PJA1: variants seen among roughly 807,000 people sequenced by gnomAD.
PJA1 encodes the protein E3 ubiquitin-protein ligase Praja-1.
Under a neutral mutation model 14.1 loss-of-function variants are expected in PJA1, and 5 were observed. The observed-to-expected ratio is 0.35, with a 90% confidence interval of 0.18 to 0.74. The LOEUF (loss-of-function observed/expected upper bound fraction) is 0.74. Among genes scored for constraint, PJA1 ranks in the 30% least tolerant of loss-of-function variants. PJA1 has a pLI of 0.56. For missense variants in PJA1, 394 were observed against 482.6 expected, an observed-to-expected ratio of 0.82 and a Z score of 1.72; for synonymous variants, 174 against 190.9, an observed-to-expected ratio of 0.91 and a Z score of 0.73.
chrX:69,162,917 C>T lies in PJA1; in HGVS notation c.157G>A (p.Gly53Ser). 8.3e-7 allele frequency: 1 copy of T among 1,211,502 alleles called. No individual in the cohort carries two copies. Among genetic ancestry groups the T allele is most frequent in the Non-Finnish European group, 1.1e-6 (1 of 895,541 alleles). Residue 53 changes from glycine (G) to serine (S), a missense_variant, in exon 2 of 2, where the codon GGT becomes AGT. Coordinates refer to ENST00000374571, the MANE Select transcript of PJA1 (RefSeq NM_001032396.4). ...CCATAGGCCATTCCTCTTCTGCTAC[C>T]CGAAGCTCTGTACTCTCTTGGCGGA... is the stretch of plus-strand genomic sequence containing the variant. ...RYPPREYRASGSRRGMAYGHI... is the reference protein window; with the variant it reads ...RYPPREYRASSSRRGMAYGHI...
Position 69,161,636 on chromosome X carries a change from G to C in PJA1, c.1438C>G (p.Leu480Val). 8.3e-7 allele frequency: 1 copy of C among 1,211,520 alleles called. No individual in the cohort carries two copies. Among genetic ancestry groups the C allele is most frequent in the East Asian group, 3.0e-5 (1 of 33,791 alleles). ...EAISYVDPQF[L>V]TYMALEERLA... Reference sequence around the variant, plus strand: ...CGTTCTTCAAGTGCCATGTAGGTGAGGAACTGAGGGTCCACATAGGAAATG... The same window carrying C: ...CGTTCTTCAAGTGCCATGTAGGTGACGAACTGAGGGTCCACATAGGAAATG... Residue 480 changes from leucine to valine, a missense_variant, in exon 2 of 2, where the codon CTC (leucine) becomes GTC (valine). By Grantham distance (32) the Leu-to-Val change is conservative. Coordinates refer to ENST00000374571, the MANE Select transcript of PJA1 (RefSeq NM_001032396.4).
chrX:69,161,437 T>G lies in PJA1; in HGVS notation c.1637A>C (p.Glu546Ala). ...AGTTGCCACCTCCCCCTTCACATAT[T>G]CGCTACAGCAGATGGGGCAGCACAT... ...QEMCCPICCS[E>A]YVKGEVATEL... Residue 546 changes from glutamate (E) to alanine (A), a missense_variant, in exon 2 of 2, where the codon GAA (glutamate) becomes GCA (alanine). Physicochemically the swap from Glu to Ala is moderately radical, Grantham distance 107. Coordinates refer to ENST00000374571, the MANE Select transcript of PJA1 (RefSeq NM_001032396.4). The G allele has an allele frequency of 8.3e-7, 1 of 1,211,177 alleles. No individual in the cohort carries two copies. The highest frequency in any genetic ancestry group is 3.0e-5 in the East Asian group (1 of 33,805).
chrX:69,163,822 G>T (rs1925160057), intron 1 of PJA1, among the ~76,000 whole-genome samples: 1 of 111,010 alleles, frequency 9.0e-6, no homozygotes, highest in Non-Finnish European at 1.9e-5. Context: ...TTTGTAGGGG[G>T]AAAGGGTATG....
rs1425211696 is a variant in PJA1 at position 69,165,445 on chromosome X, G to C, written c.-141C>G. On this transcript the variant is annotated 5_prime_UTR_variant, in exon 1 of 2. Transcript: ENST00000374571. ...TCCGACCGCCACGACCGCCAGAGCC[G>C]CTGCTCCCGGTCCCGAGCTCCTCCC... 2 of 112,543 alleles carry C rather than the reference G, an allele frequency of 1.8e-5. No individual in the cohort carries two copies. The highest frequency in any genetic ancestry group is 9.3e-5 in the Admixed American group (1 of 10,719). 9.3% of individuals were successfully genotyped at this position (112,543 alleles called of 1,213,427 possible).
In PJA1 at chrX:69,162,327, C is replaced by T. The variant is rs1381996867; in HGVS notation, c.747G>A (p.Leu249=). The change falls in exon 2 of 2, where the codon CTG becomes CTA. Residue 249 remains leucine (L), a synonymous_variant. Coordinates refer to ENST00000374571, the MANE Select transcript of PJA1 (RefSeq NM_001032396.4). ...ANDNEGHSDG[L]ARRGRGESSS... is the part of the protein sequence containing the mutation. Reference sequence around the variant, plus strand: ...AACTCTCGCCTCTCCCTCTTCTTGCCAGGCCATCCGAGTGGCCCTCATTGT... The same window carrying T: ...AACTCTCGCCTCTCCCTCTTCTTGCTAGGCCATCCGAGTGGCCCTCATTGT... 1.7e-6 allele frequency: 2 copies of T among 1,211,168 alleles called. No homozygotes were observed. Among genetic ancestry groups the T allele is most frequent in the Non-Finnish European group, 2.2e-6 (2 of 895,410 alleles).
At position 69,162,406 on chromosome X, in the gene PJA1, T is replaced by C. The variant is rs1436527333; in HGVS notation, c.668A>G (p.Asp223Gly). Reference protein sequence around the residue: ...CVKPKIFFDTDDDDDMPHSTS... With the variant: ...CVKPKIFFDTGDDDDMPHSTS... The stretch of plus-strand genomic sequence containing the variant: ...ACTGTGTGGCATATCGTCATCATCA[T>C]CAGTATCAAAAAAAATTTTTGGTTT... Residue 223 changes from aspartate to glycine, a missense_variant, in exon 2 of 2, where the codon GAT becomes GGT. Asp to Gly is a moderately conservative substitution (Grantham distance 94). This residue lies in a region of PJA1 where 378 missense variants were observed against 439.3 expected (regional missense o/e 0.86). Transcript: ENST00000374571. 1 of 1,211,029 alleles carries C rather than the reference T, an allele frequency of 8.3e-7. No homozygotes were observed.
rs180767696 is a variant in PJA1, at chrX:69,162,049, G to A, written c.1025C>T (p.Pro342Leu). ...SSSGESWETL[P>L]GKEEREPPQA... ...TGGAGGTTCCCGCTCTTCTTTCCCC[G>A]GCAGAGTCTCCCAGCTTTCGCCACT... is the stretch of plus-strand genomic sequence containing the variant. The change falls in exon 2 of 2, where the codon CCG becomes CTG. Residue 342 changes from proline (P) to leucine (L), a missense_variant. Physicochemically the swap from Pro to Leu is moderately conservative, Grantham distance 98. This residue lies in a region of PJA1 where 378 missense variants were observed against 439.3 expected (regional missense o/e 0.86). Transcript: ENST00000374571. The A allele has an allele frequency of 1.3e-4, 153 of 1,208,413 alleles. No individual in the cohort carries two copies. In the Admixed American group the frequency reaches 1.4e-3, roughly 11 times the overall value.
At position 69,161,960 on chromosome X, in the gene PJA1, C is replaced by T; in HGVS notation, c.1114G>A (p.Ala372Thr). Residue 372 changes from alanine (A) to threonine (T), a missense_variant, in exon 2 of 2, where the codon GCT (alanine) becomes ACT (threonine). Around this residue, in one of 2 missense-constraint regions of PJA1, gnomAD observed 378 missense variants for 439.3 expected, o/e 0.86. Transcript: ENST00000374571. ...CTGCCAGCACTGGCCCCGGCGCCAG[C>T]CCCGGCACTGGCACTAGCACCGGGG... is the stretch of plus-strand genomic sequence containing the variant. ...PGPGASASAG[A>T]GAGASAGSNG... The T allele has an allele frequency of 8.3e-7, 1 of 1,210,288 alleles. No homozygotes were observed. The highest frequency in any genetic ancestry group is 1.1e-6 in the Non-Finnish European group (1 of 894,990).
At chrX:69,163,218 C>T (rs140592105) in intron 1 of PJA1, 78 bp from the exon 2 acceptor site, 46 of 1,205,618 alleles carry the variant, frequency 3.8e-5, no homozygotes, top group Middle Eastern at 2.3e-4. Context: ...GCCATACAGG[C>T]TTGCTAGATT....
rs746080972 is a variant in PJA1 at position 69,160,999 on chromosome X, C to T, written c.*308G>A. The T allele has an allele frequency of 4.1e-6, 1 of 243,747 alleles. No homozygotes were observed. The highest frequency in any genetic ancestry group is 6.6e-5 in the East Asian group (1 of 15,200). 20.1% of individuals were successfully genotyped at this position (243,747 alleles called of 1,213,427 possible). A position where few individuals can be genotyped will look rare whatever the true frequency, so the allele number is the denominator to read the frequency against. ...CTTGACATTACAAGTAACAGCAACA[C>T]ATTCCCATTCTACTGAAGAAAACAA... On this transcript the variant is annotated 3_prime_UTR_variant, in exon 2 of 2. Transcript: ENST00000374571.
At position 69,161,296 on chromosome X, in the gene PJA1, G is replaced by A. The variant is rs775696626; in HGVS notation, c.*11C>T. The A allele has an allele frequency of 1.5e-5, 17 of 1,149,182 alleles. No individual in the cohort carries two copies. Among genetic ancestry groups the A allele is most frequent in the African/African-American group, 3.6e-5 (2 of 56,025 alleles). 94.7% of individuals were successfully genotyped at this position (1,149,182 alleles called of 1,213,427 possible). A position where few individuals can be genotyped will look rare whatever the true frequency, so the allele number is the denominator to read the frequency against. ...GAAAATAATCAGACCAGGAGTAAAC[G>A]GCCTTGGTCTTTAGAGTGGGGGAGG... On this transcript the variant is annotated 3_prime_UTR_variant, in exon 2 of 2. Coordinates refer to ENST00000374571, the MANE Select transcript of PJA1 (RefSeq NM_001032396.4).
Position 69,162,539 on chromosome X carries a change from T to C in PJA1, c.535A>G (p.Ser179Gly), listed in dbSNP as rs1465307365. 1 of 1,209,866 alleles carries C rather than the reference T, an allele frequency of 8.3e-7. No individual in the cohort carries two copies. The highest frequency in any genetic ancestry group is 1.1e-6 in the Non-Finnish European group (1 of 895,277). Residue 179 changes from serine (S) to glycine (G), a missense_variant, in exon 2 of 2, where the codon AGC (serine) becomes GGC (glycine). Coordinates refer to ENST00000374571, the MANE Select transcript of PJA1 (RefSeq NM_001032396.4). ...RREQNLPARP[S>G]RAPVSICGGG... ...CCACAAATACTCACAGGAGCCCTGC[T>C]GGGACGTGCAGGTAAATTTTGCTCC...
rs1320142401 is a variant in PJA1, at chrX:69,165,421, C to CCGACCGCCA, written c.-126_-118dup. The CCGACCGCCA allele has an allele frequency of 8.9e-6, 1 of 112,612 alleles. No individual in the cohort carries two copies. Among genetic ancestry groups the CCGACCGCCA allele is most frequent in the Admixed American group, 9.3e-5 (1 of 10,734 alleles). 9.3% of individuals were successfully genotyped at this position (112,612 alleles called of 1,213,427 possible). ...TCAGAGAAGCAGAGCTCTCGGATCTCCGACCGCCACGACCGCCAGAGCCGC... is the reference window on the plus strand; with the variant it reads ...TCAGAGAAGCAGAGCTCTCGGATCTCCGACCGCCACGACCGCCACGACCGCCAGAGCCGC... On this transcript the variant is annotated 5_prime_UTR_variant, in exon 1 of 2. Transcript: ENST00000374571.
At chrX:69,163,272 G>C (rs781474346) in intron 1 of PJA1, 132 bp from the exon 2 acceptor site, 3 of 1,175,607 alleles carry the variant, frequency 2.6e-6, no homozygotes, top group East Asian at 3.0e-5. Flanking sequence ...AATACAGCTG[G>C]GGCTCGGGTA....
In PJA1 at chrX:69,162,551, G is replaced by A. The variant is rs774737402; in HGVS notation, c.523C>T (p.Pro175Ser). The part of the protein sequence containing the change: ...SERERREQNL[P>S]ARPSRAPVSI... ...ACAGGAGCCCTGCTGGGACGTGCAG[G>A]TAAATTTTGCTCCCTTCTCTCCCTC... The change falls in exon 2 of 2, where the codon CCT becomes TCT. Residue 175 changes from proline to serine, a missense_variant. Pro to Ser is a moderately conservative substitution (Grantham distance 74). Transcript: ENST00000374571. 2 of 1,211,566 alleles carry A rather than the reference G, an allele frequency of 1.7e-6. No individual in the cohort carries two copies. The highest frequency in any genetic ancestry group is 3.5e-5 in the South Asian group (2 of 56,934).
intron 1 of PJA1, 66 bp from the exon 2 acceptor site, chrX:69,163,206 G>A: frequency 8.3e-7 from 1 of 1,209,460 alleles, no homozygotes; most frequent in Non-Finnish European, 1.1e-6. Flanking sequence ...CTGTTGGATT[G>A]GGCCATACAG....
In PJA1 at chrX:69,162,200, C is replaced by T. The variant is rs1418881921; in HGVS notation, c.874G>A (p.Asp292Asn). The T allele has an allele frequency of 9.9e-6, 12 of 1,208,847 alleles. No homozygotes were observed. The highest frequency in any genetic ancestry group is 1.8e-5 in the South Asian group (1 of 56,592). The change falls in exon 2 of 2, where the codon GAC becomes AAC. Residue 292 changes from aspartate (D) to asparagine (N), a missense_variant. This residue lies in a region of PJA1 where 378 missense variants were observed against 439.3 expected (regional missense o/e 0.86). Coordinates refer to ENST00000374571, the MANE Select transcript of PJA1 (RefSeq NM_001032396.4). ...TCACTGTGCGTCCAGAAGTCAGGGT[C>T]GGCCATGGTGCGTCGTCGTCTCGGC... ...KVPRRRRTMA[D>N]PDFWTHSDDY... is the part of the protein sequence containing the mutation.
Position 69,163,323 on chromosome X carries a change from A to G in PJA1, c.-67-183T>C, listed in dbSNP as rs749999214. On this transcript the variant is annotated intron_variant, in intron 1 of 1. Coordinates refer to ENST00000374571, the MANE Select transcript of PJA1 (RefSeq NM_001032396.4). ...CCTGCACACGTTTTTGAGATGGGAA[A>G]GTAAAATCAGTTTAGAATAAAGGAG... The G allele has an allele frequency of 4.0e-5, 40 of 989,043 alleles. No individual in the cohort carries two copies. The African/African-American group carries it at 7.4e-4, about 18-fold the overall frequency. 81.5% of individuals were successfully genotyped at this position (989,043 alleles called of 1,213,427 possible).
In PJA1 at chrX:69,162,112, C is replaced by T. The variant is rs189968793; in HGVS notation, c.962G>A (p.Arg321His). 36 of 1,209,091 alleles carry T rather than the reference C, an allele frequency of 3.0e-5. No individual in the cohort carries two copies. The highest frequency in any genetic ancestry group is 1.5e-4 in the East Asian group (5 of 33,663). ...TTGCTCTCGGCTTCGATATTTCCGA[C>T]GCAGAGCAGCAATCCACTCTTTGTC... ...DSDKEWIAALRRKYRSREQTL... is the reference protein window; with the variant it reads ...DSDKEWIAALHRKYRSREQTL... The change falls in exon 2 of 2, where the codon CGT (arginine) becomes CAT (histidine). Residue 321 changes from arginine (R) to histidine (H), a missense_variant. By Grantham distance (29) the Arg-to-His change is conservative (BLOSUM62 0). Coordinates refer to ENST00000374571, the MANE Select transcript of PJA1 (RefSeq NM_001032396.4).
Sources: allele counts gnomAD v4.1 joint callset (sites outside exome capture counted in the v4.1 genomes callset), GRCh38; gene constraint gnomAD v4.1.1; regional missense constraint gnomAD v4.1.1; transcripts MANE v1.5; gene names NCBI Gene and HGNC (gene_info 2026-07-23, HGNC 2026-07-21).